The following TIAM2 variants were observed in gnomAD, a reference collection of about 807,000 sequenced individuals.
TIAM2 encodes the protein rho guanine nucleotide exchange factor TIAM2.
TIAM2 carries 80 observed loss-of-function variants against 152.9 expected under a neutral mutation model. The observed-to-expected ratio is 0.52, with a 90% CI of 0.44 to 0.63. The LOEUF is 0.63. TIAM2 is among the 30% of genes least tolerant of loss of function. TIAM2 has a pLI of 0.00. For missense variants in TIAM2, 1,965 were observed against 2,120.1 expected, an observed-to-expected ratio of 0.93 and a Z score of 1.44; for synonymous variants, 804 against 838.0, an observed-to-expected ratio of 0.96 and a Z score of 0.70.
At chr6:155,226,454 G>C (rs1344640116) in intron 15 of TIAM2, among the ~76,000 whole-genome samples, 1 of 152,166 alleles carries the variant, frequency 6.6e-6, no homozygotes, top group East Asian at 1.9e-4. Context: ...TGGATCACTT[G>C]AGGTCAGGAG....
intron 14 of TIAM2, among the ~76,000 whole-genome samples, chr6:155,190,606 T>G (rs769714127): frequency 8.5e-5 from 13 of 152,216 alleles, no homozygotes; most frequent in Non-Finnish European, 1.9e-4. Context: ...GGCTTTTCTC[T>G]CCGAACATTA....
At position 155,174,175 on chromosome 6, in the gene TIAM2, T is replaced by A. The variant is rs562268852; in HGVS notation, c.2362-2641T>A. On this transcript the variant is annotated intron_variant, in intron 9 of 26. Coordinates refer to ENST00000682666, the MANE Select transcript of TIAM2 (RefSeq NM_012454.4). The surrounding 1 kb of genome is among the most constrained non-coding windows in gnomAD (Gnocchi z 4.2). ...TGGTGTGAACCAGCTCATCCCAGAC[T>A]TCCACCCTTCAGATCCCCGGAGTAC... Among the ~76,000 whole-genome samples, 1 of 152,308 alleles carries A rather than the reference T, an allele frequency of 6.6e-6. No homozygotes were observed. The highest frequency in any genetic ancestry group is 2.1e-4 in the South Asian group (1 of 4,826).
intron 15 of TIAM2, among the ~76,000 whole-genome samples, chr6:155,217,516 A>G (rs1365216828): frequency 6.6e-6 from 1 of 152,254 alleles, no homozygotes; most frequent in Non-Finnish European, 1.5e-5. Context: ...GGAGTATAGC[A>G]CATATTAATA....
At chr6:155,066,862 TCTCCTGCCTCAGC>T (rs1777704454) in intron 1 of TIAM2, among the ~76,000 whole-genome samples, 1 of 152,088 alleles carries the variant, frequency 6.6e-6, no homozygotes, top group East Asian at 1.9e-4. Flanking sequence ...TTCAAGCGAT[TCTCCTGCCTCAGC>T]CTCCTGAATA....
At chr6:155,182,191 T>G in intron 12 of TIAM2, 35 bp from the exon 13 acceptor site, 1 of 1,582,392 alleles carries the variant, frequency 6.3e-7, no homozygotes, top group Non-Finnish European at 8.7e-7. Flanking sequence ...TGTGGTGGGC[T>G]GAGACTTGCT....
intron 15 of TIAM2, among the ~76,000 whole-genome samples, chr6:155,223,990 C>T (rs1240335189): frequency 6.6e-6 from 1 of 152,136 alleles, no homozygotes; most frequent in Non-Finnish European, 1.5e-5. Flanking sequence ...AATATTTACC[C>T]AGGGGGGTGG....
chr6:155,028,619 TATA>T (rs1340776915), intron 1 of TIAM2, among the ~76,000 whole-genome samples: 7 of 101,838 alleles, frequency 6.9e-5, no homozygotes, highest in African/African-American at 2.5e-4. Context: ...ATATACTACA[TATA>T]ATATATATAC....
At chr6:155,019,346 G>C (rs546788065) in intron 1 of TIAM2, among the ~76,000 whole-genome samples, 6 of 151,160 alleles carry the variant, frequency 4.0e-5, no homozygotes, top group Non-Finnish European at 7.4e-5. Context: ...AAAAAGAAAA[G>C]AAAAAAAATA....
At chr6:155,111,298 TAC>T (rs57988099) in intron 2 of TIAM2, among the ~76,000 whole-genome samples, 4,437 of 138,152 alleles carry the variant, frequency 0.032, 76 homozygotes, top group African/African-American at 0.056. Flanking sequence ...ATTCTTGGAA[TAC>T]ACACACACAC....
intron 14 of TIAM2, among the ~76,000 whole-genome samples, chr6:155,193,660 G>A (rs890923010): frequency 6.6e-6 from 1 of 152,090 alleles, no homozygotes; most frequent in African/African-American, 2.4e-5. Context: ...TCAATGCTAC[G>A]ATTGTGCTTG....
At chr6:155,192,344 G>A (rs1781226338) in intron 14 of TIAM2, among the ~76,000 whole-genome samples, 3 of 152,090 alleles carry the variant, frequency 2.0e-5, no homozygotes, top group Admixed American at 6.5e-5. Context: ...GGTATTCGGG[G>A]TGCCATGGTC....
intron 15 of TIAM2, among the ~76,000 whole-genome samples, chr6:155,230,056 A>G (rs1343802649): frequency 1.3e-5 from 2 of 151,614 alleles, no homozygotes; most frequent in African/African-American, 4.8e-5. Context: ...GCCAAACCAT[A>G]TCACCAGGTG....
chr6:155,064,400 T>G (rs2114942964), intron 1 of TIAM2, among the ~76,000 whole-genome samples: 2 of 152,294 alleles, frequency 1.3e-5, no homozygotes, highest in Admixed American at 1.3e-4. Context: ...GGCTAAAAAA[T>G]CAAAACGCTG....
intron 1 of TIAM2, among the ~76,000 whole-genome samples, chr6:155,045,380 C>T (rs551394350): frequency 6.6e-6 from 1 of 152,198 alleles, no homozygotes; most frequent in African/African-American, 2.4e-5. Flanking sequence ...TTTTTCTATG[C>T]TGTTTTCTTC....
rs1279039456 is a variant in TIAM2, at chr6:155,214,278, G to A, written c.3168+2971G>A. On this transcript the variant is annotated intron_variant, in intron 15 of 26. Transcript: ENST00000682666. This position sits in a 1 kb window ranked among gnomAD's most constrained non-coding sequence, Gnocchi z 5.4. ...CAGTGACTGTTCCAGATGGGCCACC[G>A]CTGCCATCAAGACCACCAGGAGCCA... is the stretch of plus-strand genomic sequence containing the variant. Among the ~76,000 whole-genome samples, 1 of 152,224 alleles carries A rather than the reference G, an allele frequency of 6.6e-6. No homozygotes were observed. Among genetic ancestry groups the A allele is most frequent in the Non-Finnish European group, 1.5e-5 (1 of 68,030 alleles).
At chr6:155,053,445 G>A (rs1054400959) in intron 1 of TIAM2, among the ~76,000 whole-genome samples, 1 of 146,536 alleles carries the variant, frequency 6.8e-6, no homozygotes, top group Admixed American at 6.9e-5. Flanking sequence ...GTGAGCCACC[G>A]CTCCTGGCCT....
In TIAM2 at chr6:155,248,100, A is replaced by G. The variant is rs567622154; in HGVS notation, c.3753A>G (p.Arg1251=). The change falls in exon 20 of 27, where the codon AGA becomes AGG. Residue 1251 remains arginine, a synonymous_variant. Transcript: ENST00000682666. ...LESYLIKPVQ[R]VLKYPLLLKE... is the part of the protein sequence containing the mutation. The stretch of plus-strand genomic sequence containing the variant: ...CCTACCTCATCAAGCCGGTTCAGAG[A>G]GTGCTCAAGTACCCGCTGCTGCTCA... The G allele has an allele frequency of 4.0e-5, 64 of 1,614,088 alleles. No homozygotes were observed. Among genetic ancestry groups the G allele is most frequent in the Non-Finnish European group, 5.0e-5 (59 of 1,180,046 alleles).
intron 1 of TIAM2, among the ~76,000 whole-genome samples, chr6:155,005,912 A>T (rs1480074801): frequency 6.6e-6 from 1 of 152,198 alleles, no homozygotes; most frequent in African/African-American, 2.4e-5. Context: ...GGCATCCCAA[A>T]GTGCTGGCAT....
intron 1 of TIAM2, among the ~76,000 whole-genome samples, chr6:155,058,296 A>G (rs1432273371): frequency 6.6e-6 from 1 of 152,186 alleles, no homozygotes; most frequent in East Asian, 1.9e-4. Flanking sequence ...GCTCCATCTC[A>G]GGCCAATTAA....
Sources: allele counts gnomAD v4.1 joint callset (sites outside exome capture counted in the v4.1 genomes callset), GRCh38; gene constraint gnomAD v4.1.1; non-coding constraint Gnocchi (gnomAD v3.1); transcripts MANE v1.5; gene names NCBI Gene and HGNC (gene_info 2026-07-23, HGNC 2026-07-21).